The following RANBP17 variants were observed in gnomAD, a reference collection of about 807,000 sequenced individuals.
The protein encoded by RANBP17 is ran-binding protein 17.
A neutral mutation model predicts 141.2 loss-of-function variants in RANBP17; 158 were observed. The observed-to-expected ratio is 1.12, with a 90% CI of 0.98 to 1.28. The LOEUF is 1.28. RANBP17 is among the 50% of genes most tolerant of loss of function. The pLI, the probability that RANBP17 is intolerant of heterozygous loss-of-function variation, is 0.00. For missense variants in RANBP17, 1,438 were observed against 1,290.7 expected, an observed-to-expected ratio of 1.11 and a Z score of -1.75; for synonymous variants, 430 against 450.0, an observed-to-expected ratio of 0.96 and a Z score of 0.56.
In RANBP17 at chr5:171,222,013, C is replaced by T. The variant is rs138990993; in HGVS notation, c.2422+173C>T. On this transcript the variant is annotated intron_variant, in intron 22 of 27. Transcript: ENST00000523189. ...TCATATTGGCATCAGGAGAAGTAAG[C>T]AGCATGCCTTTGACTAAATCATGCC... Among the ~76,000 whole-genome samples the T allele has an allele frequency of 3.8e-3, 574 of 152,306 alleles. 2 individuals are homozygous for T. Among genetic ancestry groups the T allele is most frequent in the African/African-American group, 0.013 (523 of 41,576 alleles).
At chr5:170,923,730 T>A (rs1274916712) in intron 11 of RANBP17, among the ~76,000 whole-genome samples, 2 of 152,166 alleles carry the variant, frequency 1.3e-5, no homozygotes, top group Non-Finnish European at 1.5e-5. Flanking sequence ...TAGATTTAAT[T>A]GATATTTTAT....
chr5:170,961,288 A>C (rs928192106), intron 13 of RANBP17, among the ~76,000 whole-genome samples: 2 of 152,180 alleles, frequency 1.3e-5, no homozygotes, highest in Non-Finnish European at 1.5e-5. Flanking sequence ...TGGGCCCTCA[A>C]ATTTGTTGAC....
At chr5:171,011,354 T>C (rs566204884) in intron 14 of RANBP17, among the ~76,000 whole-genome samples, 1 of 152,044 alleles carries the variant, frequency 6.6e-6, no homozygotes, top group Non-Finnish European at 1.5e-5. Context: ...ACTAGTATGT[T>C]TTTTGGCCTA....
intron 14 of RANBP17, among the ~76,000 whole-genome samples, chr5:171,031,068 A>G (rs1423114897): frequency 6.6e-6 from 1 of 152,078 alleles, no homozygotes; most frequent in African/African-American, 2.4e-5. Flanking sequence ...CTGTTTCAAT[A>G]TATGAATGAA....
At chr5:170,934,557 C>T (rs540717924) in intron 12 of RANBP17, among the ~76,000 whole-genome samples, 1 of 152,272 alleles carries the variant, frequency 6.6e-6, no homozygotes, top group East Asian at 1.9e-4. Context: ...TTCTCCATCA[C>T]TTATGAAGCC....
intron 14 of RANBP17, among the ~76,000 whole-genome samples, chr5:171,071,098 T>C (rs995331196): frequency 1.3e-5 from 2 of 152,150 alleles, no homozygotes; most frequent in African/African-American, 4.8e-5. Context: ...CCAAAAAGAT[T>C]GAACCAATTT....
In RANBP17 at chr5:171,098,085, T is replaced by C. The variant is rs565769492; in HGVS notation, c.1711-72045T>C. 4.6e-5 allele frequency among the ~76,000 whole-genome samples: 7 copies of C among 152,280 alleles called. No individual in the cohort carries two copies. In the South Asian group the frequency reaches 1.0e-3, roughly 23 times the overall value. ...AAGTCTCTGCTATTGTGAATAGTGC[T>C]GCAATAAACATACGTATGCATGTGT... On this transcript the variant is annotated intron_variant, in intron 14 of 27. Transcript: ENST00000523189.
chr5:170,916,094 G>T lies in RANBP17; in HGVS notation c.835-371G>T, dbSNP rs1771929239. ...ATTATAATGCATTATATTCTATATTGCATTATCATGCGTTATATTCTATAT... is the reference window on the plus strand; with the variant it reads ...ATTATAATGCATTATATTCTATATTTCATTATCATGCGTTATATTCTATAT... On this transcript the variant is annotated intron_variant, in intron 8 of 27. Coordinates refer to ENST00000523189, the MANE Select transcript of RANBP17 (RefSeq NM_022897.5). Among the ~76,000 whole-genome samples, 4 of 147,944 alleles carry T rather than the reference G, an allele frequency of 2.7e-5. 1 individual carries two copies. The highest frequency in any genetic ancestry group is 2.3e-4 in the South Asian group (1 of 4,416).
chr5:170,908,312 A>G (rs1771236062), intron 5 of RANBP17, among the ~76,000 whole-genome samples: 1 of 151,944 alleles, frequency 6.6e-6, no homozygotes. Flanking sequence ...ATACACGTAT[A>G]CCACAGAATA....
intron 18 of RANBP17, among the ~76,000 whole-genome samples, chr5:171,189,172 A>G (rs960433978): frequency 2.0e-5 from 3 of 152,224 alleles, no homozygotes; most frequent in South Asian, 2.1e-4. Context: ...TAGGTGCTCA[A>G]TATAAGTCAG....
chr5:171,166,964 G>A (rs903646376), intron 14 of RANBP17, among the ~76,000 whole-genome samples: 1 of 152,144 alleles, frequency 6.6e-6, no homozygotes, highest in Admixed American at 6.6e-5. Flanking sequence ...TCCTAGTAGT[G>A]GAGAGAAATC....
chr5:171,220,518 G>A (rs1384873747), intron 21 of RANBP17, among the ~76,000 whole-genome samples: 3 of 136,302 alleles, frequency 2.2e-5, no homozygotes, highest in South Asian at 2.3e-4. Context: ...GCCCTATCTC[G>A]ACTCATTGCA....
In RANBP17 at chr5:170,957,107, A is replaced by ACACACACACACG. The variant is rs542213195; in HGVS notation, c.1574+3406_1574+3407insACACACACACGC. ...CACACACACACACACACACACACACACGCGCACACTGCCACTATCTCGTGA... is the reference window on the plus strand; with the variant it reads ...CACACACACACACACACACACACACACACACACACACGCGCGCACACTGCCACTATCTCGTGA... On this transcript the variant is annotated intron_variant, in intron 13 of 27. Transcript: ENST00000523189. Among the ~76,000 whole-genome samples the ACACACACACACG allele has an allele frequency of 5.2e-3, 788 of 150,472 alleles. 5 individuals are homozygous for ACACACACACACG. Among genetic ancestry groups the ACACACACACACG allele is most frequent in the South Asian group, 0.03 (140 of 4,674 alleles).
chr5:171,123,808 G>T (rs184758697), intron 14 of RANBP17, among the ~76,000 whole-genome samples: 2 of 152,198 alleles, frequency 1.3e-5, no homozygotes, highest in Non-Finnish European at 2.9e-5. Context: ...CTGCACCCAC[G>T]CAGGGAGCAC....
chr5:171,256,813 T>A (rs1765928183), intron 24 of RANBP17, among the ~76,000 whole-genome samples: 1 of 150,126 alleles, frequency 6.7e-6, no homozygotes, highest in Non-Finnish European at 1.5e-5. Context: ...TAGAAAAAAA[T>A]GGATAAGTTC....
chr5:171,192,096 CAG>C (rs1429831018), intron 18 of RANBP17, among the ~76,000 whole-genome samples: 2 of 152,122 alleles, frequency 1.3e-5, no homozygotes, highest in African/African-American at 2.4e-5. Context: ...TAAAGGAACA[CAG>C]AGGTGGATAT....
chr5:171,265,175 G>T (rs1177552784), intron 24 of RANBP17, among the ~76,000 whole-genome samples: 2 of 152,146 alleles, frequency 1.3e-5, no homozygotes, highest in Admixed American at 6.5e-5. Flanking sequence ...ATCTATCCAG[G>T]AATTATTTAT....
At chr5:170,906,006 A>C (rs935910325) in intron 5 of RANBP17, among the ~76,000 whole-genome samples, 1 of 152,098 alleles carries the variant, frequency 6.6e-6, no homozygotes, top group Non-Finnish European at 1.5e-5. Flanking sequence ...TTGTAAGTAC[A>C]GTAAAGAGAA....
intron 14 of RANBP17, among the ~76,000 whole-genome samples, chr5:171,032,982 AT>A (rs1278165585): frequency 1.3e-5 from 2 of 152,116 alleles, no homozygotes; most frequent in Non-Finnish European, 2.9e-5. Flanking sequence ...TATATTTGTT[AT>A]GCTCAGGTTA....
Sources: gnomAD v4.1 joint callset for allele counts (sites outside exome capture counted in the v4.1 genomes callset) on GRCh38, gnomAD v4.1.1 for gene constraint, MANE v1.5 for transcripts, NCBI Gene and HGNC (gene_info 2026-07-23, HGNC 2026-07-21) for gene names.